DPF3: variants seen among roughly 807,000 people sequenced by gnomAD.
DPF3 encodes the protein zinc finger protein DPF3.
Under a neutral mutation model 56.8 loss-of-function variants are expected in DPF3, and 18 were observed. The observed-to-expected ratio is 0.32, with a 90% CI of 0.22 to 0.47. The LOEUF is 0.47. Among genes scored for constraint, DPF3 ranks in the 20% least tolerant of loss-of-function variants. The pLI is 1.00. For missense variants in DPF3, 403 were observed against 488.8 expected (o/e 0.82, Z 1.65); for synonymous variants, 188 against 180.2 (o/e 1.04, Z -0.35).
At chr14:72,827,846 G>A (rs1883880493) in intron 1 of DPF3, among the ~76,000 whole-genome samples, 1 of 151,972 alleles carries the variant, frequency 6.6e-6, no homozygotes, top group South Asian at 2.1e-4. Context: ...GAGCATCTCA[G>A]GAGGCTGAGG....
At position 72,719,625 on chromosome 14, in the gene DPF3, G is replaced by C. The variant is rs114865783; in HGVS notation, c.525+4008C>G. Among the ~76,000 whole-genome samples the C allele has an allele frequency of 5.9e-3, 905 of 152,298 alleles. 13 individuals carry two copies. Among genetic ancestry groups the C allele is most frequent in the African/African-American group, 0.021 (871 of 41,550 alleles). ...CATGGATGACTCACAAGAATCTCAT[G>C]AATTTTAAAGAGCTTTGACTTCTTG... On this transcript the variant is annotated intron_variant, in intron 5 of 10. Transcript: ENST00000556509.
chr14:72,702,839 A>G (rs527474098), intron 6 of DPF3, among the ~76,000 whole-genome samples: 34 of 152,256 alleles, frequency 2.2e-4, no homozygotes, highest in African/African-American at 7.9e-4. Flanking sequence ...GGCTTTTCTC[A>G]AAAGCCAACG....
intron 1 of DPF3, among the ~76,000 whole-genome samples, chr14:72,850,195 G>A (rs1290588433): frequency 6.6e-6 from 1 of 152,110 alleles, no homozygotes; most frequent in East Asian, 1.9e-4. Context: ...CAGAAAATCA[G>A]GAGCCGTGAC....
At chr14:72,731,159 G>A (rs1038292417) in intron 4 of DPF3, among the ~76,000 whole-genome samples, 2 of 150,932 alleles carry the variant, frequency 1.3e-5, no homozygotes, top group Non-Finnish European at 2.9e-5. Flanking sequence ...GTGACAGAGC[G>A]AGACTCTGTC....
At chr14:72,747,974 G>A (rs986736597) in intron 3 of DPF3, among the ~76,000 whole-genome samples, 4 of 152,204 alleles carry the variant, frequency 2.6e-5, no homozygotes, top group African/African-American at 9.7e-5. Flanking sequence ...TCAGCAGTGT[G>A]AAAACAGACT....
chr14:72,649,660 T>TGGG (rs372597512), intron 8 of DPF3, among the ~76,000 whole-genome samples: 11,011 of 60,772 alleles, frequency 0.18, 644 homozygotes, highest in Non-Finnish European at 0.25. Flanking sequence ...CATCCCTGGG[T>TGGG]GGGGGGGGGG....
intron 8 of DPF3, among the ~76,000 whole-genome samples, chr14:72,633,174 A>G (rs1885266882): frequency 6.6e-6 from 1 of 152,272 alleles, no homozygotes; most frequent in Admixed American, 6.5e-5. Context: ...GATGAGAAAG[A>G]CTGTAGAAGG....
At chr14:72,671,471 C>T (rs368592901) in intron 8 of DPF3, 40 of 1,253,236 alleles carry the variant, frequency 3.2e-5, no homozygotes, top group Admixed American at 1.7e-4. Flanking sequence ...GGGATTAACC[C>T]GGTGCATCAC....
chr14:72,815,773 C>T (rs565747771), intron 1 of DPF3, among the ~76,000 whole-genome samples: 10 of 152,272 alleles, frequency 6.6e-5, no homozygotes, highest in South Asian at 2.1e-4. Context: ...TCAGAACGTC[C>T]GAAATCAGTC....
At chr14:72,865,559 G>A (rs1329322048) in intron 1 of DPF3, among the ~76,000 whole-genome samples, 1 of 152,186 alleles carries the variant, frequency 6.6e-6, no homozygotes, top group Non-Finnish European at 1.5e-5. Context: ...GGGTTTTCAG[G>A]TAAATGGAAA....
chr14:72,759,240 A>C (rs1430069848), intron 2 of DPF3, among the ~76,000 whole-genome samples: 2 of 152,244 alleles, frequency 1.3e-5, no homozygotes, highest in Non-Finnish European at 2.9e-5. Flanking sequence ...ACAGCAATAG[A>C]AACTATTCCA....
At chr14:72,873,181 A>G (rs1024472098) in intron 1 of DPF3, among the ~76,000 whole-genome samples, 1 of 152,194 alleles carries the variant, frequency 6.6e-6, no homozygotes, top group African/African-American at 2.4e-5. Context: ...CATCTGACAA[A>G]GGGCTAATAT....
intron 1 of DPF3, among the ~76,000 whole-genome samples, chr14:72,891,717 G>A (rs933039065): frequency 6.6e-6 from 1 of 151,958 alleles, no homozygotes; most frequent in Non-Finnish European, 1.5e-5. Flanking sequence ...GCTGGTCAGT[G>A]GTATTGTTTA....
chr14:72,850,970 T>C (rs1283080583), intron 1 of DPF3, among the ~76,000 whole-genome samples: 1 of 152,182 alleles, frequency 6.6e-6, no homozygotes, highest in East Asian at 1.9e-4. Context: ...CTGCCCCATC[T>C]AAAGGGGCAG....
At chr14:72,756,420 T>C (rs1280008182) in intron 2 of DPF3, among the ~76,000 whole-genome samples, 1 of 152,190 alleles carries the variant, frequency 6.6e-6, no homozygotes, top group African/African-American at 2.4e-5. Context: ...GTTATGCACA[T>C]TGCACAAGTT....
chr14:72,781,926 G>A lies in DPF3; in HGVS notation c.33-10033C>T, dbSNP rs546594873. On this transcript the variant is annotated intron_variant, in intron 1 of 10. Transcript: ENST00000556509. ...ATACCTAGAAAGAAAACATGCATCC[G>A]TCACAGAAATTTCATTGATTGAGAA... Among the ~76,000 whole-genome samples, 9 of 152,284 alleles carry A rather than the reference G, an allele frequency of 5.9e-5. No homozygotes were observed. In the East Asian group the frequency reaches 9.6e-4, roughly 16 times the overall value.
chr14:72,889,276 C>T (rs1051880117), intron 1 of DPF3, among the ~76,000 whole-genome samples: 3 of 152,130 alleles, frequency 2.0e-5, no homozygotes, highest in Non-Finnish European at 4.4e-5. Flanking sequence ...CTTGGGTTCT[C>T]GCAGACATTA....
chr14:72,873,381 T>C (rs570418557), intron 1 of DPF3, among the ~76,000 whole-genome samples: 1 of 152,276 alleles, frequency 6.6e-6, no homozygotes, highest in Non-Finnish European at 1.5e-5. Context: ...AGATACCATC[T>C]CACACCAGTT....
intron 9 of DPF3, among the ~76,000 whole-genome samples, chr14:72,627,475 A>G (rs998350545): frequency 2.0e-5 from 3 of 152,030 alleles, no homozygotes; most frequent in African/African-American, 7.2e-5. Flanking sequence ...AGTTGGATCT[A>G]TTTATGGGCT....
Sources: allele counts gnomAD v4.1 joint callset (sites outside exome capture counted in the v4.1 genomes callset), GRCh38; gene constraint gnomAD v4.1.1; transcripts MANE v1.5; gene names NCBI Gene and HGNC (gene_info 2026-07-23, HGNC 2026-07-21).